Variants in CADM2 observed in about 807,000 individuals in gnomAD.
The protein encoded by CADM2 is cell adhesion molecule 2.
CADM2 carries 12 observed loss-of-function variants against 49.8 expected under a neutral mutation model. The observed-to-expected ratio is 0.24, with a 90% CI of 0.15 to 0.39. The LOEUF (loss-of-function observed/expected upper bound fraction) is 0.39. Ranked by LOEUF, CADM2 falls within the 10% of genes least tolerant of loss-of-function variation. CADM2 has a pLI of 1.00. For synonymous variants in CADM2, 214 were observed against 175.4 expected (o/e 1.22, Z -1.74); for missense variants, 378 against 492.3 (o/e 0.77, Z 2.20).
At chr3:85,682,756 T>C (rs959614929) in intron 1 of CADM2, among the ~76,000 whole-genome samples, 2 of 152,164 alleles carry the variant, frequency 1.3e-5, no homozygotes, top group African/African-American at 4.8e-5. Flanking sequence ...ACATTCTGTG[T>C]TGAATACAGA....
At chr3:85,460,741 T>C (rs1200861364) in intron 1 of CADM2, among the ~76,000 whole-genome samples, 1 of 151,850 alleles carries the variant, frequency 6.6e-6, no homozygotes, top group African/African-American at 2.4e-5. Flanking sequence ...GTGGTGTGTG[T>C]GTGTGTGTGT....
chr3:85,059,126 C>G (rs951054387), intron 1 of CADM2, among the ~76,000 whole-genome samples: 2 of 151,832 alleles, frequency 1.3e-5, no homozygotes, highest in African/African-American at 4.8e-5. Flanking sequence ...GTAGTCCCAG[C>G]TACTCGGGAG....
chr3:85,708,122 A>T (rs967906877), intron 1 of CADM2, among the ~76,000 whole-genome samples: 3 of 152,164 alleles, frequency 2.0e-5, no homozygotes, highest in Admixed American at 1.3e-4. Flanking sequence ...TTTCTGTAAA[A>T]TACCTATGGT....
chr3:85,077,301 G>T (rs1248859885), intron 1 of CADM2, among the ~76,000 whole-genome samples: 1 of 152,008 alleles, frequency 6.6e-6, no homozygotes, highest in Non-Finnish European at 1.5e-5. Context: ...TATTGGAAAG[G>T]GTGACTAAGG....
At chr3:85,921,777 T>G (rs1256839774) in intron 6 of CADM2, among the ~76,000 whole-genome samples, 1 of 151,882 alleles carries the variant, frequency 6.6e-6, no homozygotes, top group South Asian at 2.1e-4. Context: ...TCTCTCTCGT[T>G]ACATCATCCA....
intron 8 of CADM2, among the ~76,000 whole-genome samples, chr3:86,000,273 G>A (rs1366553559): frequency 6.6e-6 from 1 of 152,072 alleles, no homozygotes; most frequent in East Asian, 1.9e-4. Flanking sequence ...AGCATGGAGG[G>A]TACCTTTAAA....
At chr3:85,703,976 C>A (rs2066860792) in intron 1 of CADM2, among the ~76,000 whole-genome samples, 1 of 152,152 alleles carries the variant, frequency 6.6e-6, no homozygotes, top group African/African-American at 2.4e-5. Flanking sequence ...TCTTGCTCTG[C>A]AACATTGATT....
chr3:85,941,640 G>A (rs1338562381), intron 7 of CADM2, among the ~76,000 whole-genome samples: 2 of 152,060 alleles, frequency 1.3e-5, no homozygotes, highest in Non-Finnish European at 2.9e-5. Context: ...GACAAGTTTA[G>A]ATCAATTTGC....
chr3:86,027,375 G>A (rs1043352740), intron 8 of CADM2, among the ~76,000 whole-genome samples: 3 of 152,116 alleles, frequency 2.0e-5, no homozygotes, highest in Non-Finnish European at 2.9e-5. Flanking sequence ...CCAAACTGAG[G>A]AAAACCTTCA....
At chr3:85,905,762 G>A (rs1716717812) in intron 5 of CADM2, among the ~76,000 whole-genome samples, 1 of 151,996 alleles carries the variant, frequency 6.6e-6, no homozygotes, top group Non-Finnish European at 1.5e-5. Flanking sequence ...GTCCCAATGG[G>A]TAATTTTAAT....
chr3:85,370,939 A>G (rs2033181563), intron 1 of CADM2, among the ~76,000 whole-genome samples: 1 of 152,208 alleles, frequency 6.6e-6, no homozygotes, highest in Non-Finnish European at 1.5e-5. Flanking sequence ...AGTTTAAAAA[A>G]TCAAAACAAA....
At chr3:85,444,075 G>A (rs7627044) in intron 1 of CADM2, among the ~76,000 whole-genome samples, 76,255 of 151,874 alleles carry the variant, frequency 0.5, 22,290 homozygotes, top group East Asian at 0.83. Flanking sequence ...TTCACACTCC[G>A]CTTTCAACCT....
At chr3:85,539,868 A>G (rs1037522037) in intron 1 of CADM2, among the ~76,000 whole-genome samples, 1 of 152,126 alleles carries the variant, frequency 6.6e-6, no homozygotes, top group Non-Finnish European at 1.5e-5. Flanking sequence ...AATTTTTTAA[A>G]TACAAAGTTT....
At chr3:85,489,801 G>A (rs964977109) in intron 1 of CADM2, among the ~76,000 whole-genome samples, 1 of 136,492 alleles carries the variant, frequency 7.3e-6, no homozygotes, top group African/African-American at 2.5e-5. Context: ...GTGTGTGTGT[G>A]TGTGTGAGAG....
intron 1 of CADM2, among the ~76,000 whole-genome samples, chr3:85,304,705 A>G (rs530846937): frequency 6.6e-6 from 1 of 151,950 alleles, no homozygotes; most frequent in Admixed American, 6.6e-5. Context: ...TTGCATAGGC[A>G]TACCAATAGT....
chr3:85,615,077 C>T (rs547826202), intron 1 of CADM2, among the ~76,000 whole-genome samples: 1 of 151,888 alleles, frequency 6.6e-6, no homozygotes, highest in South Asian at 2.1e-4. Flanking sequence ...TATCAAACTA[C>T]CTGTTAGTAT....
chr3:85,144,465 A>G (rs1018787046), intron 1 of CADM2, among the ~76,000 whole-genome samples: 2 of 151,928 alleles, frequency 1.3e-5, no homozygotes, highest in African/African-American at 4.8e-5. Flanking sequence ...TACAAAAATT[A>G]GCTGGTCTTG....
At chr3:85,362,791 T>C (rs1438129174) in intron 1 of CADM2, among the ~76,000 whole-genome samples, 1 of 152,218 alleles carries the variant, frequency 6.6e-6, no homozygotes, top group Non-Finnish European at 1.5e-5. Flanking sequence ...TTTCACATTT[T>C]TAGAGTATTA....
chr3:85,912,181 G>A (rs573584783), intron 5 of CADM2, among the ~76,000 whole-genome samples, 192 bp from the exon 6 acceptor site: 4 of 151,820 alleles, frequency 2.6e-5, no homozygotes, highest in Non-Finnish European at 4.4e-5. Flanking sequence ...TCCTGACCTC[G>A]TGAAGAATTT....
Sources: allele counts gnomAD v4.1 joint callset (sites outside exome capture counted in the v4.1 genomes callset), GRCh38; gene constraint gnomAD v4.1.1; transcripts MANE v1.5; gene names NCBI Gene and HGNC (gene_info 2026-07-23, HGNC 2026-07-21).